ZSCAN5A: variants seen among roughly 807,000 people sequenced by gnomAD.
ZSCAN5A encodes zinc finger and SCAN domain-containing protein 5A.
A neutral mutation model predicts 23.7 loss-of-function variants in ZSCAN5A; 12 were observed. The ratio of observed to expected loss-of-function variants is 0.51; its 90% CI spans 0.32 to 0.82. ZSCAN5A has a LOEUF of 0.82. Ranked by LOEUF, ZSCAN5A falls within the 40% of genes least tolerant of loss-of-function variation. The pLI is 0.03. For synonymous variants in ZSCAN5A, 257 were observed against 239.9 expected (o/e 1.07, Z -0.66); for missense variants, 597 against 617.9 (o/e 0.97, Z 0.36).
At chr19:56,333,856 A>ATATAT (rs1555812269) in intron 2 of ZSCAN5A, among the ~76,000 whole-genome samples, 1 of 150,272 alleles carries the variant, frequency 6.7e-6, no homozygotes, top group East Asian at 1.9e-4. Flanking sequence ...GAAAAAGAAA[A>ATATAT]ATATATATAT....
intron 2 of ZSCAN5A, chr19:56,273,025 T>G (rs1447165975): frequency 3.3e-6 from 1 of 303,042 alleles, no homozygotes; most frequent in Non-Finnish European, 4.9e-6. Flanking sequence ...AACAGACTTC[T>G]TCTTGCTTCC....
At chr19:56,239,303 T>C (rs1036241) in intron 2 of ZSCAN5A, among the ~76,000 whole-genome samples, 89,905 of 151,300 alleles carry the variant, frequency 0.59, 27,547 homozygotes, top group South Asian at 0.7. Context: ...AATGGATTTG[T>C]GAATCAGTCA....
At chr19:56,333,239 C>G (rs1404194288) in intron 2 of ZSCAN5A, among the ~76,000 whole-genome samples, 1 of 151,986 alleles carries the variant, frequency 6.6e-6, no homozygotes, top group Admixed American at 6.5e-5. Flanking sequence ...TTAAATTATT[C>G]TCTCAAATAT....
chr19:56,229,594 C>T (rs2034278935), intron 2 of ZSCAN5A, among the ~76,000 whole-genome samples: 3 of 152,178 alleles, frequency 2.0e-5, no homozygotes, highest in Admixed American at 6.5e-5. Context: ...ACCCAATTCC[C>T]GATTCCCCTA....
chr19:56,285,410 A>T (rs2039031819), intron 2 of ZSCAN5A, among the ~76,000 whole-genome samples: 1 of 152,230 alleles, frequency 6.6e-6, no homozygotes, highest in South Asian at 2.1e-4. Context: ...ATGTATGTAC[A>T]TCCTTAACTC....
At chr19:56,297,426 CCTCT>C (rs1036554393) in intron 2 of ZSCAN5A, 4 of 428,366 alleles carry the variant, frequency 9.3e-6, no homozygotes, top group Non-Finnish European at 1.2e-5. Context: ...TTCCTCCCTC[CCTCT>C]CTCCCTCCCT....
rs979026245 is a variant in ZSCAN5A at position 56,343,716 on chromosome 19, G to A, written c.-358+19519C>T. ...CTTCCACAGGCTGGACGTTCCCCAC[G>A]CTGGAGAGAAAAACCTCTTTATTTC... On this transcript the variant is annotated intron_variant, in intron 2 of 6. Coordinates refer to the ZSCAN5A transcript ENST00000587340. Among the ~76,000 whole-genome samples, 9 of 152,146 alleles carry A rather than the reference G, an allele frequency of 5.9e-5. No homozygotes were observed. The East Asian group carries it at 1.2e-3, about 20-fold the overall frequency.
chr19:56,240,988 C>T (rs1299227624), intron 2 of ZSCAN5A, among the ~76,000 whole-genome samples: 1 of 152,148 alleles, frequency 6.6e-6, no homozygotes, highest in Non-Finnish European at 1.5e-5. Context: ...GAATTACAGG[C>T]GTGAGCCACC....
chr19:56,332,559 G>C (rs2041499432), intron 2 of ZSCAN5A, among the ~76,000 whole-genome samples: 2 of 152,156 alleles, frequency 1.3e-5, no homozygotes, highest in African/African-American at 4.8e-5. Flanking sequence ...TCACATGTGA[G>C]ATGGATCTCT....
chr19:56,321,332 C>G, intron 2 of ZSCAN5A: 1 of 651,364 alleles, frequency 1.5e-6, no homozygotes, highest in Non-Finnish European at 2.8e-6. Context: ...CCCATGCCCT[C>G]TGGGCTGTAA....
At chr19:56,293,449 A>G (rs929130021) in intron 2 of ZSCAN5A, among the ~76,000 whole-genome samples, 8 of 152,252 alleles carry the variant, frequency 5.3e-5, no homozygotes, top group African/African-American at 1.7e-4. Context: ...TATTATCATT[A>G]TAATTGTATG....
chr19:56,340,148 C>G (rs942971722), intron 2 of ZSCAN5A, among the ~76,000 whole-genome samples: 5 of 152,104 alleles, frequency 3.3e-5, no homozygotes, highest in Non-Finnish European at 5.9e-5. Context: ...GCAACCTGTT[C>G]TGTGGCCAAC....
chr19:56,242,650 T>G (rs2035519510), intron 2 of ZSCAN5A, among the ~76,000 whole-genome samples: 1 of 152,332 alleles, frequency 6.6e-6, no homozygotes, highest in East Asian at 1.9e-4. Flanking sequence ...CACCTGTGGC[T>G]AGGAAGACAG....
chr19:56,243,967 T>C (rs1408651803), intron 2 of ZSCAN5A: 1 of 619,966 alleles, frequency 1.6e-6, no homozygotes, highest in Non-Finnish European at 2.9e-6. Flanking sequence ...AGGAGGCCTG[T>C]CTAGATAGGT....
chr19:56,305,576 G>T (rs897606438), intron 2 of ZSCAN5A, among the ~76,000 whole-genome samples: 3 of 152,094 alleles, frequency 2.0e-5, no homozygotes, highest in African/African-American at 7.2e-5. Context: ...AAAATCTTTT[G>T]GGGTACAAAC....
intron 2 of ZSCAN5A, chr19:56,246,437 C>A: frequency 1.8e-6 from 1 of 569,202 alleles, no homozygotes; most frequent in Non-Finnish European, 3.2e-6. Context: ...GGACTTACAT[C>A]CCCAGAGCCT....
intron 2 of ZSCAN5A, among the ~76,000 whole-genome samples, chr19:56,358,781 C>T (rs2041714152): frequency 6.6e-6 from 1 of 152,184 alleles, no homozygotes; most frequent in Admixed American, 6.5e-5. Context: ...CACTCAAAAA[C>T]ACGTAACTAC....
chr19:56,349,370 C>T (rs556898698), intron 2 of ZSCAN5A, among the ~76,000 whole-genome samples: 1 of 152,232 alleles, frequency 6.6e-6, no homozygotes, highest in African/African-American at 2.4e-5. Flanking sequence ...CCCTGACGGT[C>T]CAGAGGAATG....
chr19:56,271,816 T>C (rs1402803982), intron 2 of ZSCAN5A, among the ~76,000 whole-genome samples: 2 of 152,114 alleles, frequency 1.3e-5, no homozygotes, highest in African/African-American at 4.8e-5. Context: ...AGACCAGTGG[T>C]CTCTACACTC....
Sources: allele counts gnomAD v4.1 joint callset (sites outside exome capture counted in the v4.1 genomes callset), GRCh38; gene constraint gnomAD v4.1.1; transcripts MANE v1.5; gene names NCBI Gene and HGNC (gene_info 2026-07-23, HGNC 2026-07-21).